CABP1: variants seen among roughly 807,000 people sequenced by gnomAD.
CABP1 encodes the protein calcium binding protein 1.
Under a neutral mutation model 34.3 loss-of-function variants are expected in CABP1, and 17 were observed. The ratio of observed to expected loss-of-function variants is 0.50; its 90% CI spans 0.34 to 0.74. CABP1 has a LOEUF of 0.74. CABP1 is among the 30% of genes least tolerant of loss of function. The probability of loss-of-function intolerance (pLI) is 0.01; values close to 1 mark genes in which losing one functional copy is unlikely to be tolerated. For missense variants in CABP1, 373 were observed against 511.1 expected (o/e 0.73, Z 2.61); for synonymous variants, 198 against 229.2 (o/e 0.86, Z 1.23).
chr12:120,667,713 C>T (rs2137381827), downstream of CABP1, among the ~76,000 whole-genome samples: 1 of 152,212 alleles, frequency 6.6e-6, no homozygotes, highest in South Asian at 2.1e-4. Flanking sequence ...GTCTCAAACT[C>T]CTGATCTCAA....
chr12:120,650,567 G>C (rs1879780650), intron 1 of CABP1: 5 of 1,611,468 alleles, frequency 3.1e-6, no homozygotes, highest in Admixed American at 1.7e-5. Context: ...GACTGGGACG[G>C]AAGTCCCTCA....
At chr12:120,677,993 C>T in the CABP1 span, among the ~76,000 whole-genome samples, 1 of 152,164 alleles carries the variant, frequency 6.6e-6, no homozygotes, top group Non-Finnish European at 1.5e-5. Flanking sequence ...TCGAGTTGCA[C>T]CCTGGGGGCC....
Position 120,661,145 on chromosome 12 carries a change from G to T in CABP1, c.1014G>T (p.Gln338His). ...REAMRKLLGH[Q>H]VGHRDIEEII... ...CTATGAGGAAGCTCCTGGGTCATCA[G>T]GTGGGACACCGAGACATAGAGGAAA... Residue 338 changes from glutamine to histidine, a missense_variant, in exon 5 of 6, where the codon CAG (glutamine) becomes CAT (histidine). Around this residue, in one of 4 missense-constraint regions of CABP1, gnomAD observed 109 missense variants for 204.8 expected, o/e 0.53. Transcript: ENST00000316803. The surrounding 1 kb of genome is among the most constrained non-coding windows in gnomAD (Gnocchi z 5.1). 1 of 1,613,630 alleles carries T rather than the reference G, an allele frequency of 6.2e-7. No individual in the cohort carries two copies. The highest frequency in any genetic ancestry group is 8.5e-7 in the Non-Finnish European group (1 of 1,180,002).
In CABP1 at chr12:120,646,499, G is replaced by A. The variant is rs149311796; in HGVS notation, c.654+5160G>A. On this transcript the variant is annotated intron_variant, in intron 1 of 5. Transcript: ENST00000316803. ...TCACTCCTTACAGGAAGCCCCCACC[G>A]TTCAGCCTTTTTTGTTTTTTGTTTT... is the stretch of plus-strand genomic sequence containing the variant. Among the ~76,000 whole-genome samples, 19 of 152,184 alleles carry A rather than the reference G, an allele frequency of 1.2e-4. No homozygotes were observed. The East Asian group carries it at 2.7e-3, about 22-fold the overall frequency.
chr12:120,644,960 G>A (rs1225429430), intron 1 of CABP1, among the ~76,000 whole-genome samples: 2 of 152,132 alleles, frequency 1.3e-5, no homozygotes, highest in Non-Finnish European at 2.9e-5. Context: ...GCCTGCCACC[G>A]CACCTGGCTA....
rs1565992626 is a variant in CABP1 at position 120,640,980 on chromosome 12, C to T, written c.295C>T (p.Arg99Cys). The change falls in exon 1 of 6, where the codon CGC (arginine) becomes TGC (cysteine). Residue 99 changes from arginine (R) to cysteine (C), a missense_variant. This residue lies in a region of CABP1 where 134 missense variants were observed against 145.4 expected (regional missense o/e 0.92). Coordinates refer to ENST00000316803, the MANE Select transcript of CABP1 (RefSeq NM_001033677.2). This position sits in a 1 kb window ranked among gnomAD's most constrained non-coding sequence, Gnocchi z 6.2. ...GPARDPGLPSRRLPGSCPATP... is the reference protein window; with the variant it reads ...GPARDPGLPSCRLPGSCPATP... ...TGCCCGGGACCCGGGGCTGCCTAGC[C>T]GCCGGCTACCCGGCTCCTGCCCGGC... 1.7e-6 allele frequency: 2 copies of T among 1,152,602 alleles called. No homozygotes were observed. Among genetic ancestry groups the T allele is most frequent in the East Asian group, 4.2e-5 (1 of 23,982 alleles). 71.4% of individuals were successfully genotyped at this position (1,152,602 alleles called of 1,614,324 possible).
intron 1 of CABP1, among the ~76,000 whole-genome samples, chr12:120,654,818 G>A (rs906467688): frequency 2.6e-5 from 4 of 152,224 alleles, no homozygotes; most frequent in Admixed American, 6.5e-5. Context: ...TGGGCAGTGC[G>A]GACTTTTTAT....
Position 120,641,392 on chromosome 12 carries a change from C to T in CABP1, c.654+53C>T, listed in dbSNP as rs1015114887. ...CCCGGGAAAGGCGCTCGGGACCCTG[C>T]CGGCCGCGGTTGCGCGTCCACAGCC... is the stretch of plus-strand genomic sequence containing the variant. On this transcript the variant is annotated intron_variant, in intron 1 of 5. Transcript: ENST00000316803. The surrounding 1 kb of genome is among the most constrained non-coding windows in gnomAD (Gnocchi z 6.7). 6 of 1,243,362 alleles carry T rather than the reference C, an allele frequency of 4.8e-6. No homozygotes were observed. In the African/African-American group the frequency reaches 7.8e-5, roughly 16 times the overall value. 77.0% of individuals were successfully genotyped at this position (1,243,362 alleles called of 1,614,324 possible).
At chr12:120,664,523 T>C (rs1880843272) in intron 5 of CABP1, among the ~76,000 whole-genome samples, 2 of 152,132 alleles carry the variant, frequency 1.3e-5, no homozygotes, top group Non-Finnish European at 1.5e-5. Context: ...TTTCAGTAAG[T>C]GATGGATAAA....
rs750094045 is a variant in CABP1 at position 120,661,033 on chromosome 12, T to G, written c.940-38T>G. The G allele has an allele frequency of 6.2e-7, 1 of 1,601,680 alleles. No homozygotes were observed. The highest frequency in any genetic ancestry group is 8.5e-7 in the Non-Finnish European group (1 of 1,173,178). ...TGGGATCTGCTGCTGCCAATCGCCATGCTGGGGCGACCTCTCCTTCCTTCC... is the reference window on the plus strand; with the variant it reads ...TGGGATCTGCTGCTGCCAATCGCCAGGCTGGGGCGACCTCTCCTTCCTTCC... On this transcript the variant is annotated intron_variant, in intron 4 of 5. Coordinates refer to ENST00000316803, the MANE Select transcript of CABP1 (RefSeq NM_001033677.2). The surrounding 1 kb of genome is among the most constrained non-coding windows in gnomAD (Gnocchi z 5.1).
chr12:120,646,196 C>T (rs1317756160), intron 1 of CABP1, among the ~76,000 whole-genome samples: 2 of 152,216 alleles, frequency 1.3e-5, no homozygotes, highest in Non-Finnish European at 2.9e-5. Context: ...GAAGCATCTG[C>T]AAAGCACCTC....
downstream of CABP1, among the ~76,000 whole-genome samples, chr12:120,668,225 C>G (rs755254965): frequency 1.3e-5 from 2 of 152,156 alleles, no homozygotes; most frequent in Non-Finnish European, 2.9e-5. Flanking sequence ...GGCTGCGCGC[C>G]GTGGCTCATG....
chr12:120,660,171 C>T lies in CABP1; in HGVS notation c.686-25C>T, dbSNP rs188950475. ...GCTCTGCGGGTCCTACCCCTGACCA[C>T]ATCCACCTTTGCTCACTTCCCCAGA... On this transcript the variant is annotated intron_variant, in intron 2 of 5. Transcript: ENST00000316803. The surrounding 1 kb of genome is among the most constrained non-coding windows in gnomAD (Gnocchi z 5.0). 4.5e-5 allele frequency: 72 copies of T among 1,613,460 alleles called. No individual in the cohort carries two copies. In the African/African-American group the frequency reaches 8.1e-4, roughly 18 times the overall value.
intron 1 of CABP1, among the ~76,000 whole-genome samples, chr12:120,644,715 T>A (rs1312124456): frequency 6.6e-6 from 1 of 152,178 alleles, no homozygotes; most frequent in African/African-American, 2.4e-5. Context: ...GCTTTGCACA[T>A]AGCAGGATCA....
intron 1 of CABP1, among the ~76,000 whole-genome samples, chr12:120,649,085 G>A (rs539200476): frequency 2.6e-5 from 4 of 151,598 alleles, no homozygotes; most frequent in Non-Finnish European, 5.9e-5. Context: ...CCCTCCAGAG[G>A]TTTGGCCCAA....
intron 1 of CABP1, chr12:120,650,432 C>CAA: frequency 8.0e-7 from 1 of 1,257,316 alleles, no homozygotes; most frequent in Non-Finnish European, 1.0e-6. Flanking sequence ...CACAATCCAC[C>CAA]CAAAAAAAAA....
At chr12:120,658,324 C>T (rs1310705322) in intron 1 of CABP1, among the ~76,000 whole-genome samples, 1 of 152,126 alleles carries the variant, frequency 6.6e-6, no homozygotes, top group African/African-American at 2.4e-5. Flanking sequence ...TCTCGAACTC[C>T]TGGCTTCAAG....
the CABP1 span, among the ~76,000 whole-genome samples, chr12:120,675,304 C>T: frequency 1.1e-4 from 17 of 152,314 alleles, no homozygotes; most frequent in African/African-American, 4.1e-4. Context: ...CCACCCGCCT[C>T]GACCTCCCAA....
Position 120,641,439 on chromosome 12 carries a change from C to G in CABP1, c.654+100C>G. The G allele has an allele frequency of 8.5e-7, 1 of 1,182,150 alleles. No homozygotes were observed. The highest frequency in any genetic ancestry group is 1.1e-6 in the Non-Finnish European group (1 of 941,522). The allele number at this position is 1,182,150 out of a possible 1,614,324, so 73.2% of individuals were successfully genotyped here. ...AGCCTCCTCCCGCGGCCCGTGGTCCCCCACGGATCACGCCTCGGCTCACCT... is the reference window on the plus strand; with the variant it reads ...AGCCTCCTCCCGCGGCCCGTGGTCCGCCACGGATCACGCCTCGGCTCACCT... On this transcript the variant is annotated intron_variant, in intron 1 of 5. Coordinates refer to ENST00000316803, the MANE Select transcript of CABP1 (RefSeq NM_001033677.2). This position sits in a 1 kb window ranked among gnomAD's most constrained non-coding sequence, Gnocchi z 6.7.
Sources: gnomAD v4.1 joint callset for allele counts (sites outside exome capture counted in the v4.1 genomes callset) on GRCh38, gnomAD v4.1.1 for gene constraint, gnomAD v4.1.1 regional missense constraint, Gnocchi (gnomAD v3.1) non-coding constraint, MANE v1.5 for transcripts, NCBI Gene and HGNC (gene_info 2026-07-23, HGNC 2026-07-21) for gene names.